ADCY9: variants seen among roughly 807,000 people sequenced by gnomAD.
ADCY9 encodes the protein adenylate cyclase 9, also known as adenylate cyclase type 9.
Under a neutral mutation model 101.5 loss-of-function variants are expected in ADCY9, and 50 were observed. The ratio of observed to expected loss-of-function variants is 0.49; its 90% CI spans 0.39 to 0.62. The LOEUF (loss-of-function observed/expected upper bound fraction) is 0.62. ADCY9 is among the 20% of genes least tolerant of loss of function. The pLI, the probability that ADCY9 is intolerant of heterozygous loss-of-function variation, is 0.00. For missense variants in ADCY9, 1,662 were observed against 1,800.4 expected, an observed-to-expected ratio of 0.92 and a Z score of 1.39; for synonymous variants, 905 against 769.3, an observed-to-expected ratio of 1.18 and a Z score of -2.92.
At chr16:4,086,815 A>G (rs2056941853) in intron 2 of ADCY9, among the ~76,000 whole-genome samples, 1 of 151,856 alleles carries the variant, frequency 6.6e-6, no homozygotes, top group Admixed American at 6.6e-5. Context: ...ATGCGCCACC[A>G]CGCCCGGCTA....
At position 3,974,650 on chromosome 16, in the gene ADCY9, T is replaced by G; in HGVS notation, c.2870+19A>C. 1 of 1,605,142 alleles carries G rather than the reference T, an allele frequency of 6.2e-7. No homozygotes were observed. Among genetic ancestry groups the G allele is most frequent in the South Asian group, 1.1e-5 (1 of 90,784 alleles). ...TCACTCTCGTTTATTCAGACAGAAG[T>G]GCAATATTAAAAGCTTACCTGAAAT... On this transcript the variant is annotated intron_variant, in intron 10 of 10. Transcript: ENST00000294016.
intron 2 of ADCY9, among the ~76,000 whole-genome samples, chr16:4,010,389 G>A (rs2056395936): frequency 2.0e-5 from 3 of 152,240 alleles, no homozygotes; most frequent in African/African-American, 2.4e-5. Flanking sequence ...CGCTCAGCAC[G>A]GCAGTCCACG....
At position 4,056,629 on chromosome 16, in the gene ADCY9, C is replaced by T. The variant is rs565914518; in HGVS notation, c.1694-49071G>A. ...TCACTGTAAGAAGCAGAATTCTAACCTCAAAACTGGTCTCCTGGGAACACT... is the reference window on the plus strand; with the variant it reads ...TCACTGTAAGAAGCAGAATTCTAACTTCAAAACTGGTCTCCTGGGAACACT... On this transcript the variant is annotated intron_variant, in intron 2 of 10. Coordinates refer to ENST00000294016, the MANE Select transcript of ADCY9 (RefSeq NM_001116.4). Among the ~76,000 whole-genome samples the T allele has an allele frequency of 6.9e-4, 105 of 152,266 alleles. 1 individual carries two copies. Among genetic ancestry groups the T allele is most frequent in the Non-Finnish European group, 1.2e-3 (83 of 68,000 alleles).
At chr16:4,113,682 CT>C (rs1022919256) in intron 2 of ADCY9, 67 bp downstream of exon 2, 4,731 of 1,270,650 alleles carry the variant, frequency 3.7e-3, no homozygotes, top group Middle Eastern at 5.6e-3. Context: ...AGGCTGGAAG[CT>C]TTTTTTTTTA....
chr16:3,983,409 G>C lies in ADCY9; in HGVS notation c.2342C>G (p.Ala781Gly). The part of the protein sequence containing the change: ...VIKNSPVKTF[A>G]SPTFSSLLDV... ...CAGGAGGGAGCTGAAGGTGGGACTA[G>C]CAAACGTCTTCACGGGGGAGTTCTT... Residue 781 changes from alanine to glycine, a missense_variant, in exon 7 of 11, where the codon GCT becomes GGT. Coordinates refer to ENST00000294016, the MANE Select transcript of ADCY9 (RefSeq NM_001116.4). 6.2e-7 allele frequency: 1 copy of C among 1,607,540 alleles called. No homozygotes were observed. Among genetic ancestry groups the C allele is most frequent in the Non-Finnish European group, 8.5e-7 (1 of 1,176,596 alleles).
intron 2 of ADCY9, among the ~76,000 whole-genome samples, chr16:4,070,120 A>ATG (rs58833048): frequency 0.032 from 4,723 of 149,658 alleles, 199 homozygotes; most frequent in African/African-American, 0.1. Flanking sequence ...ATGTGTGTGT[A>ATG]TGTGTGTGTG....
intron 10 of ADCY9, among the ~76,000 whole-genome samples, chr16:3,970,014 C>G (rs1466461971): frequency 6.6e-6 from 1 of 152,138 alleles, no homozygotes; most frequent in Non-Finnish European, 1.5e-5. Flanking sequence ...GAACTGCATT[C>G]TAGTCTTTTT....
intron 2 of ADCY9, among the ~76,000 whole-genome samples, chr16:4,101,364 C>T (rs1001618464): frequency 6.6e-6 from 1 of 151,372 alleles, no homozygotes; most frequent in Non-Finnish European, 1.5e-5. Context: ...ACTGCAGCCT[C>T]GACCACCTGG....
chr16:4,105,850 A>G (rs1243911321), intron 2 of ADCY9, among the ~76,000 whole-genome samples: 1 of 152,162 alleles, frequency 6.6e-6, no homozygotes, highest in African/African-American at 2.4e-5. Context: ...TGTCTCAAAA[A>G]GAAAAGAAAA....
At chr16:4,045,824 G>C (rs1015710593) in intron 2 of ADCY9, among the ~76,000 whole-genome samples, 1 of 149,314 alleles carries the variant, frequency 6.7e-6, no homozygotes, top group African/African-American at 2.5e-5. Context: ...TCAGCCGCCC[G>C]AGTAGCTGGG....
In ADCY9 at chr16:4,108,390, T is replaced by A. The variant is rs867358028; in HGVS notation, c.1693+5360A>T. On this transcript the variant is annotated intron_variant, in intron 2 of 10. Transcript: ENST00000294016. Reference sequence around the variant, plus strand: ...TTTTTTTTTTTTTTTTTTTTTTTTTTGGCGACAAAGTCTCGCCCTATCGCC... The same window carrying A: ...TTTTTTTTTTTTTTTTTTTTTTTTTAGGCGACAAAGTCTCGCCCTATCGCC... Among the ~76,000 whole-genome samples, 213 of 123,726 alleles carry A rather than the reference T, an allele frequency of 1.7e-3. 2 individuals are homozygous for A. The highest frequency in any genetic ancestry group is 6.9e-3 in the African/African-American group (202 of 29,356). The allele number at this position is 123,726 out of a possible 152,430, so 81.2% of individuals were successfully genotyped here. A position where few individuals can be genotyped will look rare whatever the true frequency, so the allele number is the denominator to read the frequency against.
intron 3 of ADCY9, among the ~76,000 whole-genome samples, chr16:4,006,604 A>G (rs1026077928): frequency 1.3e-5 from 2 of 152,226 alleles, no homozygotes; most frequent in South Asian, 4.1e-4. Flanking sequence ...GAGAACACAA[A>G]GCAGCATAGG....
intron 2 of ADCY9, among the ~76,000 whole-genome samples, chr16:4,044,630 T>C (rs757207616): frequency 3.3e-5 from 5 of 152,182 alleles, no homozygotes; most frequent in Admixed American, 6.5e-5. Context: ...CGAGCCACTT[T>C]AATGTATATC....
chr16:3,972,434 T>C (rs1296608518), intron 10 of ADCY9, among the ~76,000 whole-genome samples: 1 of 152,004 alleles, frequency 6.6e-6, no homozygotes, highest in Non-Finnish European at 1.5e-5. Context: ...TTCACAAACA[T>C]GTTGGTCAGG....
chr16:3,987,893 G>A (rs958686832), intron 6 of ADCY9, among the ~76,000 whole-genome samples: 4 of 152,126 alleles, frequency 2.6e-5, no homozygotes, highest in Non-Finnish European at 4.4e-5. Flanking sequence ...TCTGGAAGCC[G>A]CCAGGATTCA....
At chr16:4,039,709 T>C (rs1198848998) in intron 2 of ADCY9, among the ~76,000 whole-genome samples, 1 of 147,772 alleles carries the variant, frequency 6.8e-6, no homozygotes, top group Non-Finnish European at 1.5e-5. Context: ...AAAGCAGGAT[T>C]GCACCCTTGA....
chr16:3,974,586 T>A (rs2056078503), intron 10 of ADCY9, 83 bp downstream of exon 10: 1 of 1,148,680 alleles, frequency 8.7e-7, no homozygotes. Flanking sequence ...CAAGATCCCA[T>A]TGTTTTCAGG....
At chr16:4,002,417 G>A (rs2056337263) in intron 3 of ADCY9, among the ~76,000 whole-genome samples, 1 of 152,174 alleles carries the variant, frequency 6.6e-6, no homozygotes, top group African/African-American at 2.4e-5. Context: ...ACAAAAGGAT[G>A]GTTCCTGAGG....
chr16:3,988,860 G>A (rs759699000), intron 6 of ADCY9, 134 bp downstream of exon 6: 5 of 731,328 alleles, frequency 6.8e-6, no homozygotes, highest in East Asian at 5.0e-5. Flanking sequence ...GCCACTTAGG[G>A]TTTACAGAGT....
Sources: gnomAD v4.1 joint callset for allele counts (sites outside exome capture counted in the v4.1 genomes callset) on GRCh38, gnomAD v4.1.1 for gene constraint, MANE v1.5 for transcripts, NCBI Gene and HGNC (gene_info 2026-07-23, HGNC 2026-07-21) for gene names.